XIAP: variants seen among roughly 807,000 people sequenced by gnomAD.
XIAP encodes X-linked inhibitor of apoptosis.
XIAP carries 3 observed loss-of-function variants against 33.1 expected under a neutral mutation model. The ratio of observed to expected loss-of-function variants is 0.09; its 90% CI spans 0.04 to 0.23. XIAP has a LOEUF of 0.23. XIAP is among the 10% of genes least tolerant of loss of function. XIAP has a pLI of 1.00. For synonymous variants in XIAP, 98 were observed against 121.3 expected (o/e 0.81, Z 1.26); for missense variants, 264 against 363.0 (o/e 0.73, Z 2.22).
chrX:123,904,795 T>G (rs2053545754), intron 6 of XIAP, among the ~76,000 whole-genome samples: 1 of 110,850 alleles, frequency 9.0e-6, no homozygotes. Flanking sequence ...AGCTAATTTT[T>G]TTTGTGTGTA....
In XIAP at chrX:123,910,521, G is replaced by A. The variant is rs1235271195; in HGVS notation, c.*3340G>A. ...AGGTGTTGAATGGGGAAAGGGGCTAGTATATCAGTAGGATATACTATGGGA... is the reference window on the plus strand; with the variant it reads ...AGGTGTTGAATGGGGAAAGGGGCTAATATATCAGTAGGATATACTATGGGA... On this transcript the variant is annotated 3_prime_UTR_variant, in exon 7 of 7. Coordinates refer to ENST00000371199, the MANE Select transcript of XIAP (RefSeq NM_001167.4). 1 of 327,326 alleles carries A rather than the reference G, an allele frequency of 3.1e-6. No homozygotes were observed. The highest frequency in any genetic ancestry group is 5.9e-6 in the Non-Finnish European group (1 of 169,655). 27.0% of individuals were successfully genotyped at this position (327,326 alleles called of 1,213,427 possible).
chrX:123,880,904 C>T (rs2053298285), intron 1 of XIAP, among the ~76,000 whole-genome samples: 1 of 110,497 alleles, frequency 9.1e-6, no homozygotes, highest in Non-Finnish European at 1.9e-5. Context: ...GCTCTCTTTA[C>T]GCAGTTGACT....
chrX:123,861,141 G>A (rs2053075991), intron 1 of XIAP, among the ~76,000 whole-genome samples: 1 of 111,407 alleles, frequency 9.0e-6, no homozygotes. Flanking sequence ...AGAGTTGGAA[G>A]GGATCTTAGT....
chrX:123,897,806 A>G (rs1327655979), intron 5 of XIAP, among the ~76,000 whole-genome samples: 2 of 111,595 alleles, frequency 1.8e-5, no homozygotes, highest in Non-Finnish European at 3.8e-5. Flanking sequence ...CAGGTGATCC[A>G]CCTCAGCCTC....
In XIAP at chrX:123,886,153, A is replaced by G. The variant is rs749031811; in HGVS notation, c.491A>G (p.Glu164Gly). The G allele has an allele frequency of 2.5e-6, 3 of 1,211,734 alleles. No homozygotes were observed. The highest frequency in any genetic ancestry group is 1.1e-6 in the Non-Finnish European group (1 of 895,577). Residue 164 changes from glutamate to glycine, a missense_variant, in exon 2 of 7, where the codon GAA becomes GGA. Transcript: ENST00000371199. ...YPRNPAMYSEEARLKSFQNWP... is the reference protein window; with the variant it reads ...YPRNPAMYSEGARLKSFQNWP... Reference sequence around the variant, plus strand: ...AGGAACCCTGCCATGTATAGTGAAGAAGCTAGATTAAAGTCCTTTCAGAAC... The same window carrying G: ...AGGAACCCTGCCATGTATAGTGAAGGAGCTAGATTAAAGTCCTTTCAGAAC...
At position 123,877,850 on chromosome X, in the gene XIAP, T is replaced by C. The variant is rs780700077; in HGVS notation, c.-32-7781T>C. ...TTAGCCGGGCGTGGTGGCGGGCGCC[T>C]GTAGTCCCAGCTACTCGGGTGACTG... On this transcript the variant is annotated intron_variant, in intron 1 of 6. Transcript: ENST00000371199. 1.5e-3 allele frequency among the ~76,000 whole-genome samples: 166 copies of C among 110,146 alleles called. 2 individuals are homozygous for C. The highest frequency in any genetic ancestry group is 2.7e-3 in the Non-Finnish European group (141 of 52,766).
At position 123,913,073 on chromosome X, in the gene XIAP, T is replaced by A. The variant is rs6648556; in HGVS notation, c.*5892T>A. The A allele has an allele frequency of 6.1e-6, 2 of 325,699 alleles. No homozygotes were observed. Among genetic ancestry groups the A allele is most frequent in the Non-Finnish European group, 1.2e-5 (2 of 168,147 alleles). 26.8% of individuals were successfully genotyped at this position (325,699 alleles called of 1,213,427 possible). A position where few individuals can be genotyped will look rare whatever the true frequency, so the allele number is the denominator to read the frequency against. Reference sequence around the variant, plus strand: ...TGGGATTACAGGTGTGAACCACTGCTCCCGGCCTTGTGTGATTTTATCTAA... The same window carrying A: ...TGGGATTACAGGTGTGAACCACTGCACCCGGCCTTGTGTGATTTTATCTAA... On this transcript the variant is annotated 3_prime_UTR_variant, in exon 7 of 7. Transcript: ENST00000371199.
intron 1 of XIAP, among the ~76,000 whole-genome samples, chrX:123,871,646 T>G (rs749668866): frequency 5.3e-4 from 58 of 110,187 alleles, no homozygotes; most frequent in Admixed American, 2.0e-4. Flanking sequence ...ATGCCTTAGT[T>G]TTTTGGGGTT....
intron 5 of XIAP, among the ~76,000 whole-genome samples, chrX:123,895,741 A>C (rs1362790499): frequency 9.1e-6 from 1 of 109,529 alleles, no homozygotes. Context: ...TCTTTGTAGA[A>C]ACGTCTGTTC....
chrX:123,860,982 A>G (rs1397044940), intron 1 of XIAP, among the ~76,000 whole-genome samples: 1 of 111,917 alleles, frequency 8.9e-6, no homozygotes, highest in Non-Finnish European at 1.9e-5. Flanking sequence ...GTTCTGTCAC[A>G]ACTATACTTT....
intron 6 of XIAP, among the ~76,000 whole-genome samples, chrX:123,904,601 GTTTTGTTTTGTTTTA>G (rs949294377): frequency 1.9e-5 from 2 of 103,067 alleles, no homozygotes; most frequent in African/African-American, 6.9e-5. Context: ...TGCTGGTAGA[GTTTTGTTTTGTTTTA>G]TTTTGTTTTG....
At chrX:123,880,789 A>G (rs1168821245) in intron 1 of XIAP, among the ~76,000 whole-genome samples, 3 of 108,637 alleles carry the variant, frequency 2.8e-5, no homozygotes, top group African/African-American at 1.0e-4. Context: ...TCGTATACAG[A>G]CACCAGGGTT....
In XIAP at chrX:123,860,170, G is replaced by A; in HGVS notation, c.-156G>A. On this transcript the variant is annotated 5_prime_UTR_variant, in exon 1 of 7. Transcript: ENST00000371199. ...GACTTCCGTTTCCTTCACCTAGGCT[G>A]GGGCCAAGCCGCAGAGCGGAGTTGG... is the stretch of plus-strand genomic sequence containing the variant. 1 of 330,038 alleles carries A rather than the reference G, an allele frequency of 3.0e-6. No homozygotes were observed. Among genetic ancestry groups the A allele is most frequent in the South Asian group, 2.6e-5 (1 of 38,549 alleles). 27.2% of individuals were successfully genotyped at this position (330,038 alleles called of 1,213,427 possible).
chrX:123,900,494 T>C lies in XIAP; in HGVS notation c.1101T>C (p.Asp367=), dbSNP rs2148107324. 1 of 1,205,429 alleles carries C rather than the reference T, an allele frequency of 8.3e-7. No homozygotes were observed. The highest frequency in any genetic ancestry group is 3.0e-5 in the East Asian group (1 of 33,818). Reference sequence around the variant, plus strand: ...TTTCCTCACCAATTTTTATTTCAGATGATACCATCTTCCAAAATCCTATGG... The same window carrying C: ...TTTCCTCACCAATTTTTATTTCAGACGATACCATCTTCCAAAATCCTATGG... The part of the protein sequence containing the change: ...EKTPSLTRRI[D]DTIFQNPMVQ... The change falls in exon 6 of 7, where the codon GAT becomes GAC. Residue 367 remains aspartate (D), a splice_region_variant and synonymous_variant. Transcript: ENST00000371199.
At chrX:123,892,704 A>G in intron 4 of XIAP, 27 bp from the exon 5 acceptor site, 1 of 1,167,372 alleles carries the variant, frequency 8.6e-7, no homozygotes. Context: ...AAATAATTCT[A>G]ACTTACAGTT....
At chrX:123,877,140 A>C (rs1414672627) in intron 1 of XIAP, among the ~76,000 whole-genome samples, 1 of 107,318 alleles carries the variant, frequency 9.3e-6, no homozygotes, top group Non-Finnish European at 1.9e-5. Flanking sequence ...ATCTGGGCTC[A>C]CTGCAACCCC....
chrX:123,892,611 A>G (rs1399293805), intron 4 of XIAP, 120 bp from the exon 5 acceptor site: 3 of 558,604 alleles, frequency 5.4e-6, no homozygotes, highest in Non-Finnish European at 6.1e-6. Context: ...GTGAATATTC[A>G]TATATTGAAT....
At position 123,861,703 on chromosome X, in the gene XIAP, T is replaced by C. The variant is rs770904046; in HGVS notation, c.-33+1410T>C. 5.5e-5 allele frequency among the ~76,000 whole-genome samples: 6 copies of C among 109,113 alleles called. No homozygotes were observed. In the East Asian group the frequency reaches 1.7e-3, roughly 31 times the overall value. The allele number at this position is 109,113 out of a possible 115,157, so 94.8% of individuals were successfully genotyped here. A position where few individuals can be genotyped will look rare whatever the true frequency, so the allele number is the denominator to read the frequency against. On this transcript the variant is annotated intron_variant, in intron 1 of 6. Transcript: ENST00000371199. ...ACACCTTCCCACACAAATATATATA[T>C]CAACATAAGCAAGTATATACCAATG...
At chrX:123,894,442 C>G (rs1236072762) in intron 5 of XIAP, among the ~76,000 whole-genome samples, 2 of 112,212 alleles carry the variant, frequency 1.8e-5, no homozygotes, top group African/African-American at 6.5e-5. Flanking sequence ...TCCCCACTTC[C>G]TAAACTGGTA....
Sources: gnomAD v4.1 joint callset for allele counts (sites outside exome capture counted in the v4.1 genomes callset) on GRCh38, gnomAD v4.1.1 for gene constraint, MANE v1.5 for transcripts, NCBI Gene and HGNC (gene_info 2026-07-23, HGNC 2026-07-21) for gene names.